CMTM7: variants seen among roughly 807,000 people sequenced by gnomAD.
CMTM7 encodes the protein CKLF-like MARVEL transmembrane domain-containing protein 7.
Under a neutral mutation model 19.3 loss-of-function variants are expected in CMTM7, and 7 were observed. The ratio of observed to expected loss-of-function variants is 0.36; its 90% confidence interval spans 0.21 to 0.68. CMTM7 has a LOEUF of 0.68. Among genes scored for constraint, CMTM7 ranks in the 30% least tolerant of loss-of-function variants. The probability of loss-of-function intolerance (pLI) is 0.60; values close to 1 mark genes in which losing one functional copy is unlikely to be tolerated. For missense variants in CMTM7, 193 were observed against 232.6 expected, an observed-to-expected ratio of 0.83 and a Z score of 1.11; for synonymous variants, 87 against 99.3, an observed-to-expected ratio of 0.88 and a Z score of 0.74.
intron 1 of CMTM7, among the ~76,000 whole-genome samples, chr3:32,411,982 T>C (rs553930993): frequency 8.2e-4 from 124 of 151,844 alleles, no homozygotes; most frequent in Non-Finnish European, 1.5e-3. Context: ...AGTCCCAGAG[T>C]TGGGAGAAAA....
At chr3:32,432,367 C>G (rs1403294309) in intron 1 of CMTM7, among the ~76,000 whole-genome samples, 2 of 152,264 alleles carry the variant, frequency 1.3e-5, no homozygotes, top group African/African-American at 4.8e-5. Flanking sequence ...TTCCTTCACC[C>G]CTGGGGGTTC....
At chr3:32,402,238 G>C (rs1696020810) in intron 1 of CMTM7, among the ~76,000 whole-genome samples, 1 of 151,794 alleles carries the variant, frequency 6.6e-6, no homozygotes, top group African/African-American at 2.4e-5. Flanking sequence ...CAGCCTCCCA[G>C]GTGGCTGGGG....
At chr3:32,400,438 C>T (rs1352140481) in intron 1 of CMTM7, among the ~76,000 whole-genome samples, 1 of 121,366 alleles carries the variant, frequency 8.2e-6, no homozygotes. Context: ...CACTCTGTTG[C>T]CCAGGCTGGA....
intron 1 of CMTM7, among the ~76,000 whole-genome samples, chr3:32,424,717 T>C (rs556082227): frequency 6.6e-6 from 1 of 151,528 alleles, no homozygotes; most frequent in Non-Finnish European, 1.5e-5. Flanking sequence ...TGATCATGGC[T>C]CACTGCAGTC....
Position 32,454,725 on chromosome 3 carries a change from AAC to A in CMTM7, c.*474_*475del, listed in dbSNP as rs1448672718. On this transcript the variant is annotated 3_prime_UTR_variant, in exon 5 of 5. Transcript: ENST00000334983. ...TCCTGAAGTGAGGCGTGCCTGTAGA[AAC>A]ACTATGTGGTCAGCCTGTCCCCAAG... 7 of 334,016 alleles carry A rather than the reference AAC, an allele frequency of 2.1e-5. No individual in the cohort carries two copies. Among genetic ancestry groups the A allele is most frequent in the African/African-American group, 1.5e-4 (7 of 46,386 alleles). The allele number at this position is 334,016 out of a possible 1,614,324, so 20.7% of individuals were successfully genotyped here.
At chr3:32,426,442 GA>G in intron 1 of CMTM7, among the ~76,000 whole-genome samples, 1 of 152,086 alleles carries the variant, frequency 6.6e-6, no homozygotes. Context: ...AAAAAACACA[GA>G]AAAAGCATGA....
intron 4 of CMTM7, among the ~76,000 whole-genome samples, chr3:32,453,671 C>A (rs1281975874): frequency 6.6e-6 from 1 of 152,142 alleles, no homozygotes; most frequent in Non-Finnish European, 1.5e-5. Flanking sequence ...CGGCCTGGGG[C>A]TGCTGGGAGA....
chr3:32,414,949 A>C (rs1696237918), intron 1 of CMTM7, among the ~76,000 whole-genome samples: 1 of 152,166 alleles, frequency 6.6e-6, no homozygotes. Flanking sequence ...ATTTGACCCC[A>C]GAACTGTTTG....
chr3:32,393,082 C>T (rs879451880), intron 1 of CMTM7, among the ~76,000 whole-genome samples: 1 of 152,062 alleles, frequency 6.6e-6, no homozygotes, highest in Admixed American at 6.5e-5. Flanking sequence ...TGGACAAGGT[C>T]ACACACCCAG....
intron 1 of CMTM7, among the ~76,000 whole-genome samples, chr3:32,415,607 G>C (rs1696248713): frequency 6.6e-6 from 1 of 152,194 alleles, no homozygotes; most frequent in Non-Finnish European, 1.5e-5. Flanking sequence ...CCGTGAGATG[G>C]GGGTGATAAT....
At chr3:32,420,768 G>T (rs1378080135) in intron 1 of CMTM7, among the ~76,000 whole-genome samples, 1 of 152,210 alleles carries the variant, frequency 6.6e-6, no homozygotes, top group Non-Finnish European at 1.5e-5. Context: ...CTGGGGAGTT[G>T]TTCCTCAGAA....
At chr3:32,438,162 T>C (rs114310534) in intron 1 of CMTM7, among the ~76,000 whole-genome samples, 200 of 152,316 alleles carry the variant, frequency 1.3e-3, no homozygotes, top group African/African-American at 4.6e-3. Flanking sequence ...TTTGCTTTTC[T>C]AACTGGGAAC....
At chr3:32,413,382 A>G (rs1008782876) in intron 1 of CMTM7, among the ~76,000 whole-genome samples, 1 of 152,238 alleles carries the variant, frequency 6.6e-6, no homozygotes, top group Non-Finnish European at 1.5e-5. Flanking sequence ...ATGACCTTAA[A>G]GACAGTGACA....
At chr3:32,441,736 T>C in intron 1 of CMTM7, 104 bp from the exon 2 acceptor site, 1 of 971,432 alleles carries the variant, frequency 1.0e-6, no homozygotes, top group Non-Finnish European at 1.6e-6. Flanking sequence ...ATAGCAGTTC[T>C]TCAATGTGGG....
intron 1 of CMTM7, among the ~76,000 whole-genome samples, chr3:32,402,909 G>A (rs894077953): frequency 5.3e-5 from 8 of 152,158 alleles, no homozygotes; most frequent in Admixed American, 2.0e-4. Context: ...GAAATAAATG[G>A]GAAGGGGAAA....
At chr3:32,399,545 T>TA (rs746351460) in intron 1 of CMTM7, among the ~76,000 whole-genome samples, 60 of 152,266 alleles carry the variant, frequency 3.9e-4, no homozygotes, top group Non-Finnish European at 7.5e-4. Flanking sequence ...ATTCACAGGT[T>TA]AGGTGCCAAG....
intron 1 of CMTM7, among the ~76,000 whole-genome samples, chr3:32,410,929 T>C (rs1264980200): frequency 6.6e-6 from 1 of 152,216 alleles, no homozygotes; most frequent in Non-Finnish European, 1.5e-5. Flanking sequence ...GATTACTATA[T>C]TGGATTAAAG....
At chr3:32,426,348 A>T (rs1160487038) in intron 1 of CMTM7, among the ~76,000 whole-genome samples, 1 of 152,156 alleles carries the variant, frequency 6.6e-6, no homozygotes, top group Non-Finnish European at 1.5e-5. Flanking sequence ...TGTCATGAAT[A>T]TTTTCCCATG....
rs373095137 is a variant in CMTM7, at chr3:32,454,931, C to T, written c.*677C>T. On this transcript the variant is annotated 3_prime_UTR_variant, in exon 5 of 5. Coordinates refer to ENST00000334983, the MANE Select transcript of CMTM7 (RefSeq NM_138410.4). Reference sequence around the variant, plus strand: ...GAGCTTGTGTCTGGCCCATGGCCCTCCACCCGTGCTCTGTGTGTGCCCCTT... The same window carrying T: ...GAGCTTGTGTCTGGCCCATGGCCCTTCACCCGTGCTCTGTGTGTGCCCCTT... 1 of 181,186 alleles carries T rather than the reference C, an allele frequency of 5.5e-6. No homozygotes were observed. The highest frequency in any genetic ancestry group is 2.4e-5 in the African/African-American group (1 of 42,002). The allele number at this position is 181,186 out of a possible 1,614,324, so 11.2% of individuals were successfully genotyped here. A position where few individuals can be genotyped will look rare whatever the true frequency, so the allele number is the denominator to read the frequency against.
Sources: gnomAD v4.1 joint callset for allele counts (sites outside exome capture counted in the v4.1 genomes callset) on GRCh38, gnomAD v4.1.1 for gene constraint, MANE v1.5 for transcripts, NCBI Gene and HGNC (gene_info 2026-07-23, HGNC 2026-07-21) for gene names.